OPRD1: variants seen among roughly 807,000 people sequenced by gnomAD.
OPRD1 encodes the protein delta-type opioid receptor.
In OPRD1, 19 loss-of-function variants were observed where a neutral mutation model predicts 17.5. The ratio of observed to expected loss-of-function variants is 1.09; its 90% CI spans 0.76 to 1.60. The LOEUF is 1.60. OPRD1 is among the 40% of genes most tolerant of loss of function. The pLI is 0.00. For synonymous variants in OPRD1, 256 were observed against 240.9 expected, an observed-to-expected ratio of 1.06 and a Z score of -0.58; for missense variants, 483 against 547.2, an observed-to-expected ratio of 0.88 and a Z score of 1.17.
At chr1:28,860,424 C>T (rs532478851) in intron 2 of OPRD1, among the ~76,000 whole-genome samples, 1 of 151,980 alleles carries the variant, frequency 6.6e-6, no homozygotes, top group East Asian at 1.9e-4. Context: ...CATGGCCCCA[C>T]CTTAATGCAA....
chr1:28,832,653 C>T (rs2088818831), intron 1 of OPRD1, among the ~76,000 whole-genome samples: 1 of 151,950 alleles, frequency 6.6e-6, no homozygotes, highest in African/African-American at 2.4e-5. Flanking sequence ...TGGCCAAAGG[C>T]CTGGAGTCTG....
chr1:28,857,873 A>ATG (rs1448541788), intron 1 of OPRD1, among the ~76,000 whole-genome samples: 22 of 152,004 alleles, frequency 1.4e-4, no homozygotes, highest in African/African-American at 4.8e-4. Context: ...GCTCACTGCA[A>ATG]CCTCTGCCTC....
In OPRD1 at chr1:28,815,503, G is replaced by C. The variant is rs528135407; in HGVS notation, c.227+2893G>C. On this transcript the variant is annotated intron_variant, in intron 1 of 2. Transcript: ENST00000234961. ...TGTGCATTTTAGGCTGCTGTCCTTT[G>C]GGGAGGCTGAATGATAAGGGCTGGC... 6.6e-5 allele frequency among the ~76,000 whole-genome samples: 10 copies of C among 152,308 alleles called. No individual in the cohort carries two copies. In the East Asian group the frequency reaches 1.9e-3, roughly 29 times the overall value.
In OPRD1 at chr1:28,863,042, A is replaced by C. The variant is rs1180099198; in HGVS notation, c.878A>C (p.Asp293Ala). The C allele has an allele frequency of 1.1e-5, 17 of 1,606,100 alleles. No homozygotes were observed. Among genetic ancestry groups the C allele is most frequent in the Non-Finnish European group, 1.4e-5 (17 of 1,176,210 alleles). The change falls in exon 3 of 3, where the codon GAC becomes GCC. Residue 293 changes from aspartate to alanine, a missense_variant. Physicochemically the swap from Asp to Ala is moderately radical, Grantham distance 126. Coordinates refer to ENST00000234961, the MANE Select transcript of OPRD1 (RefSeq NM_000911.4). ...VWTLVDIDRR[D>A]PLVVAALHLC... ...ACGCTGGTGGACATCGACCGGCGCG[A>C]CCCGCTGGTGGTGGCTGCGCTGCAC...
chr1:28,836,548 G>C (rs2088855279), intron 1 of OPRD1, among the ~76,000 whole-genome samples: 1 of 151,978 alleles, frequency 6.6e-6, no homozygotes. Flanking sequence ...CAGTTCAGGA[G>C]GCTAGAAGTC....
In OPRD1 at chr1:28,863,205, C is replaced by T. The variant is rs761620507; in HGVS notation, c.1041C>T (p.Arg347=). ...CGRPDPSSFS[R]AREATARERV... ...GCCCAGACCCCAGCAGCTTCAGCCG[C>T]GCCCGCGAAGCCACGGCCCGCGAGC... The change falls in exon 3 of 3, where the codon CGC becomes CGT. Residue 347 remains arginine (R), a synonymous_variant. Coordinates refer to ENST00000234961, the MANE Select transcript of OPRD1 (RefSeq NM_000911.4). 1 of 1,585,382 alleles carries T rather than the reference C, an allele frequency of 6.3e-7. No homozygotes were observed. Among genetic ancestry groups the T allele is most frequent in the East Asian group, 2.3e-5 (1 of 43,568 alleles).
At chr1:28,844,316 G>A (rs2124277777) in intron 1 of OPRD1, among the ~76,000 whole-genome samples, 1 of 152,082 alleles carries the variant, frequency 6.6e-6, no homozygotes, top group African/African-American at 2.4e-5. Context: ...TTCAAGACAG[G>A]GTCTCACTTT....
At chr1:28,822,201 G>A (rs749745301) in intron 1 of OPRD1, among the ~76,000 whole-genome samples, 1 of 151,888 alleles carries the variant, frequency 6.6e-6, no homozygotes, top group Admixed American at 6.6e-5. Flanking sequence ...CGCCCGACTC[G>A]TCCTCCCAAA....
At chr1:28,854,969 G>A (rs1020741964) in intron 1 of OPRD1, among the ~76,000 whole-genome samples, 5 of 152,078 alleles carry the variant, frequency 3.3e-5, no homozygotes, top group East Asian at 1.9e-4. Context: ...CTTTTTTGCC[G>A]GGCACTGCTG....
chr1:28,858,175 G>A (rs1281634554), intron 1 of OPRD1, among the ~76,000 whole-genome samples: 11 of 135,118 alleles, frequency 8.1e-5, no homozygotes, highest in Admixed American at 6.9e-4. Context: ...GTGCAGTGGC[G>A]CAATCTCGGC....
At chr1:28,833,959 T>G (rs868683295) in intron 1 of OPRD1, among the ~76,000 whole-genome samples, 11 of 152,220 alleles carry the variant, frequency 7.2e-5, no homozygotes, top group African/African-American at 2.7e-4. Context: ...TTGCCCAGGC[T>G]GGAGCGCAGT....
intron 1 of OPRD1, among the ~76,000 whole-genome samples, chr1:28,819,619 A>G (rs891307343): frequency 6.6e-6 from 1 of 152,158 alleles, no homozygotes; most frequent in Non-Finnish European, 1.5e-5. Context: ...TTCTGTTCTC[A>G]TTTGCAAATG....
chr1:28,858,900 T>C (rs1009884487), intron 1 of OPRD1, 54 bp from the exon 2 acceptor site: 1 of 1,510,914 alleles, frequency 6.6e-7, no homozygotes, highest in African/African-American at 1.4e-5. Flanking sequence ...TTGAGTTTCA[T>C]GTGAAACTGA....
At chr1:28,856,702 C>T (rs1376261057) in intron 1 of OPRD1, among the ~76,000 whole-genome samples, 1 of 152,198 alleles carries the variant, frequency 6.6e-6, no homozygotes, top group Non-Finnish European at 1.5e-5. Context: ...GCAGAAGGGG[C>T]CATGGCTGTA....
rs1235523518 is a variant in OPRD1, at chr1:28,859,320, A to C, written c.577+17A>C. 18 of 1,597,284 alleles carry C rather than the reference A, an allele frequency of 1.1e-5. No homozygotes were observed. Among genetic ancestry groups the C allele is most frequent in the Non-Finnish European group, 1.5e-5 (18 of 1,170,314 alleles). On this transcript the variant is annotated intron_variant, in intron 2 of 2. Transcript: ENST00000234961. ...GTCCCCGGGGTGAGTGAGTGAGTGC[A>C]CCATGGCACAGGCCACTGACCACAG...
chr1:28,821,772 G>C (rs900971892), intron 1 of OPRD1, among the ~76,000 whole-genome samples: 3 of 151,924 alleles, frequency 2.0e-5, no homozygotes, highest in African/African-American at 7.3e-5. Flanking sequence ...GGGCATGGTG[G>C]CTCACCCCCA....
At chr1:28,836,397 C>G (rs997959215) in intron 1 of OPRD1, among the ~76,000 whole-genome samples, 2 of 151,850 alleles carry the variant, frequency 1.3e-5, no homozygotes, top group Non-Finnish European at 2.9e-5. Context: ...GCCTGTAGTC[C>G]CAGCTACTCA....
In OPRD1 at chr1:28,856,510, G is replaced by A. The variant is rs187202696; in HGVS notation, c.228-2444G>A. On this transcript the variant is annotated intron_variant, in intron 1 of 2. Coordinates refer to ENST00000234961, the MANE Select transcript of OPRD1 (RefSeq NM_000911.4). ...CTCTCTTCCTGCTCTGGAATTCAAG[G>A]AGTCACTCATGTAACCCTCCTCTGG... is the stretch of plus-strand genomic sequence containing the variant. Among the ~76,000 whole-genome samples, 7 of 152,188 alleles carry A rather than the reference G, an allele frequency of 4.6e-5. No homozygotes were observed. The East Asian group carries it at 1.4e-3, about 30-fold the overall frequency.
In OPRD1 at chr1:28,847,830, CAAAAATAAATAAAT is replaced by C. The variant is rs1006426421; in HGVS notation, c.228-11105_228-11092del. Among the ~76,000 whole-genome samples the C allele has an allele frequency of 6.9e-4, 105 of 151,632 alleles. 1 individual carries two copies. Among genetic ancestry groups the C allele is most frequent in the African/African-American group, 2.4e-3 (99 of 41,334 alleles). On this transcript the variant is annotated intron_variant, in intron 1 of 2. Transcript: ENST00000234961. The stretch of plus-strand genomic sequence containing the variant: ...TGGGCAACAGGGTGAGAACCTGCCT[CAAAAATAAATAAAT>C]AAAAATAAATAAATAAAACCAGAAA...
Sources: gnomAD v4.1 joint callset for allele counts (sites outside exome capture counted in the v4.1 genomes callset) on GRCh38, gnomAD v4.1.1 for gene constraint, MANE v1.5 for transcripts, NCBI Gene and HGNC (gene_info 2026-07-23, HGNC 2026-07-21) for gene names.